EP400: variants seen among roughly 807,000 people sequenced by gnomAD.
EP400 encodes the protein E1A binding protein p400, also known as E1A-binding protein p400.
In EP400, 105 loss-of-function variants were observed where a neutral mutation model predicts 354.1. The observed-to-expected ratio is 0.30, with a 90% CI of 0.25 to 0.35. EP400 has a LOEUF of 0.35. Ranked by LOEUF, EP400 falls within the 10% of genes least tolerant of loss-of-function variation. The probability of loss-of-function intolerance (pLI) is 1.00; values close to 1 mark genes in which losing one functional copy is unlikely to be tolerated. For missense variants in EP400, 3,280 were observed against 4,121.0 expected, an observed-to-expected ratio of 0.80 and a Z score of 5.59; for synonymous variants, 1,646 against 1,716.9, an observed-to-expected ratio of 0.96 and a Z score of 1.02.
chr12:131,981,627 C>T (rs1175102551), intron 4 of EP400, 31 bp downstream of exon 4: 2 of 1,550,246 alleles, frequency 1.3e-6, no homozygotes, highest in African/African-American at 1.4e-5. Flanking sequence ...CAGCTCCCCG[C>T]TCAGGAGCAG....
At position 132,062,523 on chromosome 12, in the gene EP400, G is replaced by GGCAGCAGCAGCAGCA. The variant is rs68030464; in HGVS notation, c.8163_8177dup (p.Gln2744_Gln2748dup). On this transcript the variant is annotated inframe_insertion, in exon 47 of 53. Transcript: ENST00000389561. Reference sequence around the variant, plus strand: ...ACACCTGCACATTTCCAGCTTCTCAGGCAGCAGCAGCAGCAGCAGCAACAA... The same window carrying GGCAGCAGCAGCAGCA: ...ACACCTGCACATTTCCAGCTTCTCAGGCAGCAGCAGCAGCAGCAGCAGCAGCAGCAGCAGCAACAA... The GGCAGCAGCAGCAGCA allele has an allele frequency of 8.3e-6, 13 of 1,574,914 alleles. No individual in the cohort carries two copies. In the African/African-American group the frequency reaches 1.0e-4, roughly 12 times the overall value.
chr12:131,986,586 T>C lies in EP400; in HGVS notation c.2002T>C (p.Ser668Pro). The C allele has an allele frequency of 6.2e-7, 1 of 1,614,004 alleles. No homozygotes were observed. The highest frequency in any genetic ancestry group is 8.5e-7 in the Non-Finnish European group (1 of 1,179,998). ...CPRPLPTSST[S>P]SLAPVSGSGP... Reference sequence around the variant, plus strand: ...ACGGCCTCTGCCCACCTCTTCTACCTCGTCCCTCGCGCCTGTGAGTGGCTC... The same window carrying C: ...ACGGCCTCTGCCCACCTCTTCTACCCCGTCCCTCGCGCCTGTGAGTGGCTC... Residue 668 changes from serine (S) to proline (P), a missense_variant, in exon 6 of 53, where the codon TCG becomes CCG. Transcript: ENST00000389561.
chr12:131,999,503 A>T (rs1298667524), intron 12 of EP400, among the ~76,000 whole-genome samples: 1 of 152,060 alleles, frequency 6.6e-6, no homozygotes, highest in Admixed American at 6.6e-5. Flanking sequence ...CAGTGGCACG[A>T]TCTCAGCTCA....
rs186888132 is a variant in EP400 at position 132,008,012 on chromosome 12, G to A, written c.3304+1135G>A. Reference sequence around the variant, plus strand: ...GCCCAGGCTGGAGGTGTAATGGCACGATCTTGGCTCACTGCAACCTCCGCC... The same window carrying A: ...GCCCAGGCTGGAGGTGTAATGGCACAATCTTGGCTCACTGCAACCTCCGCC... On this transcript the variant is annotated intron_variant, in intron 15 of 52. Coordinates refer to ENST00000389561, the MANE Select transcript of EP400 (RefSeq NM_015409.5). Among the ~76,000 whole-genome samples the A allele has an allele frequency of 9.2e-5, 14 of 151,956 alleles. No homozygotes were observed. In the East Asian group the frequency reaches 1.6e-3, roughly 17 times the overall value.
rs760762550 is a variant in EP400 at position 132,053,435 on chromosome 12, G to A, written c.7566G>A (p.Pro2522=). ...CCCCACCACCCCCGCAGCAGCCACCGCCACCGCTGCCACAACCACAGGCAG... is the reference window on the plus strand; with the variant it reads ...CCCCACCACCCCCGCAGCAGCCACCACCACCGCTGCCACAACCACAGGCAG... ...PQPPPPPQQP[P]PPLPQPQAAG... Residue 2522 remains proline (P), a synonymous_variant, in exon 43 of 53, where the codon CCG becomes CCA. Transcript: ENST00000389561. The A allele has an allele frequency of 3.1e-5, 33 of 1,062,178 alleles. No individual in the cohort carries two copies. The Admixed American group carries it at 4.6e-4, about 15-fold the overall frequency. 65.8% of individuals were successfully genotyped at this position (1,062,178 alleles called of 1,614,324 possible). A position where few individuals can be genotyped will look rare whatever the true frequency, so the allele number is the denominator to read the frequency against.
chr12:131,994,708 C>G lies in EP400; in HGVS notation c.2738-159C>G, dbSNP rs1262467209. Among the ~76,000 whole-genome samples the G allele has an allele frequency of 6.6e-6, 1 of 152,180 alleles. No individual in the cohort carries two copies. The highest frequency in any genetic ancestry group is 1.5e-5 in the Non-Finnish European group (1 of 68,030). ...GGAAGGGGAAATACACTTCCAGTTT[C>G]CTGCCCATTTAATTAAATTTAACCT... On this transcript the variant is annotated intron_variant, in intron 11 of 52. Coordinates refer to ENST00000389561, the MANE Select transcript of EP400 (RefSeq NM_015409.5). This position sits in a 1 kb window ranked among gnomAD's most constrained non-coding sequence, Gnocchi z 4.6.
At chr12:131,960,485 G>C (rs568961019) in intron 1 of EP400, 100 bp from the exon 2 acceptor site, 11 of 1,130,588 alleles carry the variant, frequency 9.7e-6, no homozygotes, top group Middle Eastern at 2.8e-4. Flanking sequence ...AATCAGATGC[G>C]GTGGGAATGT....
At chr12:131,972,303 C>T (rs530508157) in intron 2 of EP400, among the ~76,000 whole-genome samples, 6 of 152,088 alleles carry the variant, frequency 3.9e-5, no homozygotes, top group Non-Finnish European at 5.9e-5. Flanking sequence ...CAGGCCCCTG[C>T]GACCACGCCC....
Position 132,021,094 on chromosome 12 carries a change from T to C in EP400, c.4463T>C (p.Phe1488Ser). The change falls in exon 23 of 53, where the codon TTT (phenylalanine) becomes TCT (serine). Residue 1488 changes from phenylalanine (F) to serine (S), a missense_variant. Transcript: ENST00000389561. ...TCGATTGCAGCAGCAGCAGCCCCGT[T>C]TCAGACCTCTCAGGCTTCCGCCAGT... is the stretch of plus-strand genomic sequence containing the variant. Reference protein sequence around the residue: ...NPEAKAAAAPFQTSQASASAP... With the variant: ...NPEAKAAAAPSQTSQASASAP... 4.4e-6 allele frequency: 7 copies of C among 1,598,746 alleles called. 1 individual carries two copies. The highest frequency in any genetic ancestry group is 5.9e-6 in the Non-Finnish European group (7 of 1,179,032).
intron 15 of EP400, among the ~76,000 whole-genome samples, chr12:132,009,400 G>GT (rs1893689922): frequency 6.6e-6 from 1 of 152,150 alleles, no homozygotes; most frequent in African/African-American, 2.4e-5. Flanking sequence ...CCCCACACTG[G>GT]TACAGATGAA....
chr12:132,069,402 G>C lies in EP400; in HGVS notation c.8875-93G>C. On this transcript the variant is annotated intron_variant, in intron 50 of 52. Transcript: ENST00000389561. ...CTGGGAGGTAGGCTGGAAAGGGGCT[G>C]GGTTCTGCCATAGGGCCCAGAGCGG... is the stretch of plus-strand genomic sequence containing the variant. The C allele has an allele frequency of 5.2e-6, 8 of 1,536,060 alleles. No homozygotes were observed. The South Asian group carries it at 7.4e-5, about 14-fold the overall frequency.
At chr12:131,996,062 C>T (rs1244185698) in intron 12 of EP400, among the ~76,000 whole-genome samples, 1 of 152,230 alleles carries the variant, frequency 6.6e-6, no homozygotes, top group Non-Finnish European at 1.5e-5. Context: ...GAGTTTCAGC[C>T]ACAGTGTTAG....
intron 43 of EP400, 96 bp downstream of exon 43, chr12:132,053,693 C>A: frequency 7.6e-7 from 1 of 1,323,356 alleles, no homozygotes; most frequent in Non-Finnish European, 9.9e-7. Flanking sequence ...AGACTTGTTG[C>A]CAGTTCTAGC....
intron 22 of EP400, 75 bp downstream of exon 22, chr12:132,020,293 G>C: frequency 2.0e-6 from 3 of 1,473,288 alleles, no homozygotes; most frequent in Non-Finnish European, 2.7e-6. Context: ...CTTTCTTCTC[G>C]CGCCTCTGGA....
In EP400 at chr12:132,069,660, G is replaced by A; in HGVS notation, c.9021+19G>A. ...GATCCAGGTGAGCGGGGAACAGGGT[G>A]AGGGCCCGAGTGTCAGGAGTGGGTG... On this transcript the variant is annotated intron_variant, in intron 51 of 52. Transcript: ENST00000389561. The A allele has an allele frequency of 6.2e-7, 1 of 1,612,794 alleles. No homozygotes were observed.
chr12:132,069,467 C>A lies in EP400; in HGVS notation c.8875-28C>A, dbSNP rs201367333. On this transcript the variant is annotated intron_variant, in intron 50 of 52. Coordinates refer to ENST00000389561, the MANE Select transcript of EP400 (RefSeq NM_015409.5). The stretch of plus-strand genomic sequence containing the variant: ...AGTCTTGAGCGCGGCATGGTCTCTG[C>A]GGCCCTAATTTCGCAGTCTCTCCCC... 6 of 1,609,940 alleles carry A rather than the reference C, an allele frequency of 3.7e-6. No individual in the cohort carries two copies. In the Admixed American group the frequency reaches 6.7e-5, roughly 18 times the overall value.
intron 1 of EP400, among the ~76,000 whole-genome samples, chr12:131,951,611 G>T (rs1359303464): frequency 1.3e-5 from 2 of 151,914 alleles, no homozygotes; most frequent in Non-Finnish European, 2.9e-5. Flanking sequence ...TCTTTTTATT[G>T]TTTTTTTGTA....
chr12:132,006,357 G>A (rs1318203475), intron 14 of EP400, 55 bp downstream of exon 14: 1 of 1,558,202 alleles, frequency 6.4e-7, no homozygotes. Flanking sequence ...AGAGCACATA[G>A]CTTAGCCATG....
chr12:132,065,290 G>A (rs546306888), intron 48 of EP400: 68 of 220,768 alleles, frequency 3.1e-4, no homozygotes, highest in Middle Eastern at 1.8e-3. Context: ...TCAGGTGACC[G>A]CTGTAGGCAG....
Sources: allele counts gnomAD v4.1 joint callset (sites outside exome capture counted in the v4.1 genomes callset), GRCh38; gene constraint gnomAD v4.1.1; non-coding constraint Gnocchi (gnomAD v3.1); transcripts MANE v1.5; gene names NCBI Gene and HGNC (gene_info 2026-07-23, HGNC 2026-07-21).